ZNF512: variants seen among roughly 807,000 people sequenced by gnomAD.
The protein encoded by ZNF512 is zinc finger protein 512.
ZNF512 carries 25 observed loss-of-function variants against 77.5 expected under a neutral mutation model. The observed-to-expected ratio is 0.32, with a 90% CI of 0.23 to 0.45. The LOEUF (loss-of-function observed/expected upper bound fraction) is 0.45. Among genes scored for constraint, ZNF512 ranks in the 20% least tolerant of loss-of-function variants. The pLI is 1.00. For synonymous variants in ZNF512, 246 were observed against 239.9 expected (o/e 1.03, Z -0.24); for missense variants, 483 against 692.6 (o/e 0.70, Z 3.40).
chr2:27,609,389 T>C (rs1672511054), intron 10 of ZNF512, among the ~76,000 whole-genome samples: 1 of 152,172 alleles, frequency 6.6e-6, no homozygotes, highest in African/African-American at 2.4e-5. Context: ...TCTCATGATA[T>C]TACAGTCAGG....
chr2:27,600,464 G>T (rs189505277), intron 5 of ZNF512, among the ~76,000 whole-genome samples: 1 of 152,274 alleles, frequency 6.6e-6, no homozygotes, highest in Non-Finnish European at 1.5e-5. Flanking sequence ...CTTTGGAGCC[G>T]TTCTCAGGTG....
intron 6 of ZNF512, 115 bp downstream of exon 6, chr2:27,600,930 AG>A: frequency 7.6e-7 from 1 of 1,312,272 alleles, no homozygotes; most frequent in Non-Finnish European, 1.0e-6. Flanking sequence ...TGTATAATAA[AG>A]GAAACATAGG....
chr2:27,583,769 G>C (rs1373950516), intron 2 of ZNF512, 53 bp downstream of exon 2: 13 of 1,587,306 alleles, frequency 8.2e-6, no homozygotes, highest in Non-Finnish European at 1.1e-5. Flanking sequence ...GCGCTGACCA[G>C]TAGAACTTCT....
chr2:27,609,114 A>G (rs1672493955), intron 10 of ZNF512, among the ~76,000 whole-genome samples: 1 of 151,620 alleles, frequency 6.6e-6, no homozygotes, highest in Non-Finnish European at 1.5e-5. Flanking sequence ...GTCTCCAAAA[A>G]AAAAAAAAAG....
At chr2:27,620,118 TA>T (rs1432301589) in intron 13 of ZNF512, among the ~76,000 whole-genome samples, 2 of 152,198 alleles carry the variant, frequency 1.3e-5, no homozygotes, top group Non-Finnish European at 2.9e-5. Context: ...AAAAGTATTT[TA>T]AAAGATGAAA....
At chr2:27,606,142 T>C (rs1672345499) in intron 9 of ZNF512, among the ~76,000 whole-genome samples, 1 of 152,212 alleles carries the variant, frequency 6.6e-6, no homozygotes, top group African/African-American at 2.4e-5. Flanking sequence ...TCTGTTCAAA[T>C]CCTTTGTTCA....
chr2:27,603,053 G>A (rs1040507007), intron 8 of ZNF512, 87 bp from the exon 9 acceptor site: 22 of 1,463,766 alleles, frequency 1.5e-5, no homozygotes, highest in Non-Finnish European at 2.1e-5. Context: ...GTATTTTGTG[G>A]TGGTGAATGC....
chr2:27,616,126 C>G (rs899878592), intron 11 of ZNF512, 136 bp from the exon 12 acceptor site: 1 of 579,990 alleles, frequency 1.7e-6, no homozygotes, highest in Admixed American at 3.5e-5. Context: ...CATGTATATT[C>G]TTTTTTCGTT....
chr2:27,583,358 G>T, intron 1 of ZNF512: 1 of 1,328,720 alleles, frequency 7.5e-7, no homozygotes, highest in South Asian at 1.5e-5. Context: ...ATTACCATTA[G>T]TTTCTATTCC....
At position 27,588,654 on chromosome 2, in the gene ZNF512, C is replaced by G. The variant is rs138488496; in HGVS notation, c.89+4938C>G. Among the ~76,000 whole-genome samples the G allele has an allele frequency of 4.1e-4, 63 of 152,158 alleles. 1 individual carries two copies. In the East Asian group the frequency reaches 0.01, roughly 25 times the overall value. ...TTTAGACTCTTGAAATCAGTAAGTC[C>G]TCTAACTTTAGTGTTCTTTTTCAAA... is the stretch of plus-strand genomic sequence containing the variant. On this transcript the variant is annotated intron_variant, in intron 2 of 13. Transcript: ENST00000355467.
At chr2:27,614,742 A>C (rs1672810135) in intron 10 of ZNF512, among the ~76,000 whole-genome samples, 1 of 151,484 alleles carries the variant, frequency 6.6e-6, no homozygotes, top group Non-Finnish European at 1.5e-5. Context: ...ATACACTTCT[A>C]ACCTTTTACT....
intron 2 of ZNF512, among the ~76,000 whole-genome samples, chr2:27,586,488 C>G (rs1006307218): frequency 6.7e-6 from 1 of 149,954 alleles, no homozygotes; most frequent in African/African-American, 2.5e-5. Flanking sequence ...TCTTGGCCTT[C>G]CAAAGTGCTA....
intron 6 of ZNF512, among the ~76,000 whole-genome samples, chr2:27,601,059 C>T (rs1462621225): frequency 2.0e-5 from 3 of 151,964 alleles, no homozygotes; most frequent in Non-Finnish European, 2.9e-5. Context: ...ATAATAAATA[C>T]AAAATAATAA....
At chr2:27,595,067 T>G (rs1453531325) in intron 2 of ZNF512, among the ~76,000 whole-genome samples, 1 of 152,068 alleles carries the variant, frequency 6.6e-6, no homozygotes, top group Non-Finnish European at 1.5e-5. Flanking sequence ...GTAGGGAGGT[T>G]GTAGCTAGGT....
In ZNF512 at chr2:27,593,247, A is replaced by ACACACACACAC. The variant is rs1558465774; in HGVS notation, c.90-4820_90-4819insCACACACACAC. On this transcript the variant is annotated intron_variant, in intron 2 of 13. Transcript: ENST00000355467. Reference sequence around the variant, plus strand: ...ACACACACACACACACACACACACAAAAGAATGAGCTGGGTACCGTGGCAC... The same window carrying ACACACACACAC: ...ACACACACACACACACACACACACAACACACACACACAAGAATGAGCTGGGTACCGTGGCAC... Among the ~76,000 whole-genome samples, 68 of 137,438 alleles carry ACACACACACAC rather than the reference A, an allele frequency of 4.9e-4. 1 individual carries two copies. Among genetic ancestry groups the ACACACACACAC allele is most frequent in the African/African-American group, 1.6e-3 (56 of 34,910 alleles). The allele number at this position is 137,438 out of a possible 152,430, so 90.2% of individuals were successfully genotyped here.
chr2:27,614,327 C>G (rs1331872571), intron 10 of ZNF512, among the ~76,000 whole-genome samples: 1 of 152,200 alleles, frequency 6.6e-6, no homozygotes, highest in Non-Finnish European at 1.5e-5. Flanking sequence ...CAACTCATGT[C>G]AAAGCCTGTA....
rs1180508966 is a variant in ZNF512 at position 27,621,994 on chromosome 2, C to T, written c.*533C>T. The T allele has an allele frequency of 6.4e-6, 1 of 156,406 alleles. No individual in the cohort carries two copies. Among genetic ancestry groups the T allele is most frequent in the Non-Finnish European group, 1.4e-5 (1 of 70,398 alleles). 9.7% of individuals were successfully genotyped at this position (156,406 alleles called of 1,614,324 possible). Reference sequence around the variant, plus strand: ...AAAAAACTTTATGGAGGCTGTTTGTCCTCTCAATATGGTTTTAAGATTGAA... The same window carrying T: ...AAAAAACTTTATGGAGGCTGTTTGTTCTCTCAATATGGTTTTAAGATTGAA... On this transcript the variant is annotated 3_prime_UTR_variant, in exon 14 of 14. Coordinates refer to ENST00000355467, the MANE Select transcript of ZNF512 (RefSeq NM_032434.4).
chr2:27,598,774 C>T (rs1671984859), intron 3 of ZNF512, among the ~76,000 whole-genome samples: 1 of 152,090 alleles, frequency 6.6e-6, no homozygotes, highest in African/African-American at 2.4e-5. Context: ...TAATCTTACT[C>T]CTCTAGATTA....
chr2:27,610,544 G>GTGTGTATGTATATATA, intron 10 of ZNF512, among the ~76,000 whole-genome samples: 1 of 32,662 alleles, frequency 3.1e-5, no homozygotes. Flanking sequence ...ATATGTGTGT[G>GTGTGTATGTATATATA]TATATATATA....
Sources: allele counts gnomAD v4.1 joint callset (sites outside exome capture counted in the v4.1 genomes callset), GRCh38; gene constraint gnomAD v4.1.1; transcripts MANE v1.5; gene names NCBI Gene and HGNC (gene_info 2026-07-23, HGNC 2026-07-21).